UCHL5: variants seen among roughly 807,000 people sequenced by gnomAD.
UCHL5 encodes ubiquitin carboxyl-terminal hydrolase isozyme L5.
A neutral mutation model predicts 53.8 loss-of-function variants in UCHL5; 34 were observed. The ratio of observed to expected loss-of-function variants is 0.63; its 90% CI spans 0.48 to 0.84. The LOEUF is 0.84. Ranked by LOEUF, UCHL5 falls within the 40% of genes least tolerant of loss-of-function variation. UCHL5 has a pLI of 0.00. For missense variants in UCHL5, 290 were observed against 385.6 expected, an observed-to-expected ratio of 0.75 and a Z score of 2.08; for synonymous variants, 111 against 126.3, an observed-to-expected ratio of 0.88 and a Z score of 0.81.
chr1:193,050,616 C>T (rs1319409688), intron 2 of UCHL5, among the ~76,000 whole-genome samples: 2 of 151,992 alleles, frequency 1.3e-5, no homozygotes, highest in Non-Finnish European at 2.9e-5. Flanking sequence ...CATGGTGAAG[C>T]GTGCCTGTAA....
At position 193,030,066 on chromosome 1, in the gene UCHL5, T is replaced by C. The variant is rs529985041; in HGVS notation, c.247-409A>G. 1.6e-3 allele frequency among the ~76,000 whole-genome samples: 250 copies of C among 152,302 alleles called. 2 individuals are homozygous for C. Among genetic ancestry groups the C allele is most frequent in the Non-Finnish European group, 2.6e-3 (178 of 68,016 alleles). On this transcript the variant is annotated intron_variant, in intron 3 of 10. Transcript: ENST00000367454. ...CATAAGCTTCAATTCACCTGTGTGA[T>C]TGTAGAGAAATTCTGAACCCAACTC...
At position 193,059,313 on chromosome 1, in the gene UCHL5, C is replaced by T. The variant is rs763799073; in HGVS notation, c.-53G>A. The T allele has an allele frequency of 3.7e-6, 6 of 1,608,450 alleles. No homozygotes were observed. The Admixed American group carries it at 5.1e-5, about 14-fold the overall frequency. ...ACCTCTCGCTCTCAGCTGCCCCCCG[C>T]ACCAGCTGCCGCCGGCCACAGATCT... On this transcript the variant is annotated 5_prime_UTR_variant, in exon 1 of 11. Coordinates refer to ENST00000367454, the MANE Select transcript of UCHL5 (RefSeq NM_001199261.3). This position sits in a 1 kb window ranked among gnomAD's most constrained non-coding sequence, Gnocchi z 4.9.
At chr1:193,017,008 G>C (rs1245413571) in intron 10 of UCHL5, among the ~76,000 whole-genome samples, 1 of 151,768 alleles carries the variant, frequency 6.6e-6, no homozygotes, top group Non-Finnish European at 1.5e-5. Flanking sequence ...TATCAAGCTT[G>C]ACCAAAGTCC....
intron 3 of UCHL5, among the ~76,000 whole-genome samples, chr1:193,035,230 T>C (rs1020833520): frequency 6.6e-6 from 1 of 152,028 alleles, no homozygotes; most frequent in Non-Finnish European, 1.5e-5. Context: ...TGCCTGTCTT[T>C]ATGCCAAAGG....
At chr1:193,056,978 G>A (rs908327728) in intron 1 of UCHL5, among the ~76,000 whole-genome samples, 1 of 152,136 alleles carries the variant, frequency 6.6e-6, no homozygotes, top group Non-Finnish European at 1.5e-5. Context: ...ATTCTTTCAT[G>A]CATGATCTCC....
intron 1 of UCHL5, among the ~76,000 whole-genome samples, chr1:193,058,044 T>A (rs917646486): frequency 6.6e-6 from 1 of 151,764 alleles, no homozygotes; most frequent in Non-Finnish European, 1.5e-5. Context: ...CTGGCCAGCA[T>A]GGTGAAACCC....
chr1:193,055,225 A>G (rs1018483638), intron 1 of UCHL5, among the ~76,000 whole-genome samples: 4 of 152,056 alleles, frequency 2.6e-5, no homozygotes, highest in African/African-American at 9.7e-5. Context: ...CTTGGAAGAC[A>G]GAGACAGCAC....
At chr1:193,043,151 T>TAAAAAAAAAAAAAAAAAAAAAA (rs200951342) in intron 3 of UCHL5, among the ~76,000 whole-genome samples, 5 of 36,372 alleles carry the variant, frequency 1.4e-4, no homozygotes, top group African/African-American at 4.1e-4. Context: ...TCTTGAATAT[T>TAAAAAAAAAAAAAAAAAAAAAA]AAAAAAAAAA....
At chr1:193,021,043 T>C in intron 10 of UCHL5, 54 bp downstream of exon 10, 2 of 1,329,532 alleles carry the variant, frequency 1.5e-6, no homozygotes, top group Non-Finnish European at 2.1e-6. Context: ...AAATACATTT[T>C]ATGTTTTTGG....
chr1:193,057,586 A>G (rs917553175), intron 1 of UCHL5, among the ~76,000 whole-genome samples: 2 of 152,228 alleles, frequency 1.3e-5, no homozygotes, highest in Non-Finnish European at 2.9e-5. Flanking sequence ...TATGAAAATA[A>G]TGTCATTTCA....
At chr1:193,049,913 T>C (rs1668477983) in intron 2 of UCHL5, 62 bp from the exon 3 acceptor site, 19 of 1,396,638 alleles carry the variant, frequency 1.4e-5, no homozygotes, top group African/African-American at 4.4e-5. Flanking sequence ...ACATTGTTAA[T>C]CTATAAAATT....
intron 10 of UCHL5, among the ~76,000 whole-genome samples, chr1:193,019,373 G>A (rs772707379): frequency 1.3e-5 from 2 of 151,384 alleles, no homozygotes; most frequent in Non-Finnish European, 3.0e-5. Context: ...GAATATCCTC[G>A]CAGCTAGATA....
intron 10 of UCHL5, chr1:193,018,775 T>C (rs1655790680): frequency 3.9e-6 from 6 of 1,542,190 alleles, no homozygotes; most frequent in Non-Finnish European, 4.4e-6. Flanking sequence ...TTCCTGTTTG[T>C]TTCCTTCTAT....
rs1167794123 is a variant in UCHL5, at chr1:193,035,505, C to T, written c.247-5848G>A. ...GAATACTCTCTCCAGCAAAGCTATC[C>T]GTCAAATATGAATGAGAAGTAAAGT... is the stretch of plus-strand genomic sequence containing the variant. On this transcript the variant is annotated intron_variant, in intron 3 of 10. Coordinates refer to ENST00000367454, the MANE Select transcript of UCHL5 (RefSeq NM_001199261.3). Among the ~76,000 whole-genome samples the T allele has an allele frequency of 5.9e-5, 9 of 151,742 alleles. 1 individual carries two copies. Among genetic ancestry groups the T allele is most frequent in the Non-Finnish European group, 1.2e-4 (8 of 67,826 alleles).
At chr1:193,049,929 C>A in intron 2 of UCHL5, 78 bp from the exon 3 acceptor site, 1 of 1,231,364 alleles carries the variant, frequency 8.1e-7, no homozygotes, top group South Asian at 1.7e-5. Context: ...AAATTTTAGT[C>A]AGTTATCTAA....
chr1:193,032,149 C>T (rs1379757590), intron 3 of UCHL5, among the ~76,000 whole-genome samples: 1 of 152,122 alleles, frequency 6.6e-6, no homozygotes, highest in Non-Finnish European at 1.5e-5. Flanking sequence ...ATTTTGTAAT[C>T]CCCAGACTAG....
chr1:193,038,497 AACAAG>A (rs1664426571), intron 3 of UCHL5, among the ~76,000 whole-genome samples: 1 of 151,988 alleles, frequency 6.6e-6, no homozygotes, highest in Non-Finnish European at 1.5e-5. Context: ...TAAGATCAGG[AACAAG>A]ACAAGGATGA....
chr1:193,022,882 G>T, intron 9 of UCHL5, 44 bp downstream of exon 9: 2 of 1,332,172 alleles, frequency 1.5e-6, no homozygotes, highest in Non-Finnish European at 2.2e-6. Flanking sequence ...GAAATATACT[G>T]CTCTATATTA....
chr1:193,025,799 A>G (rs1658976945), intron 7 of UCHL5, among the ~76,000 whole-genome samples: 1 of 152,188 alleles, frequency 6.6e-6, no homozygotes, highest in Admixed American at 6.5e-5. Flanking sequence ...AGAGAAGATT[A>G]TACTAAAATT....
Sources: gnomAD v4.1 joint callset for allele counts (sites outside exome capture counted in the v4.1 genomes callset) on GRCh38, gnomAD v4.1.1 for gene constraint, Gnocchi (gnomAD v3.1) non-coding constraint, MANE v1.5 for transcripts, NCBI Gene and HGNC (gene_info 2026-07-23, HGNC 2026-07-21) for gene names.